The following JARID2 variants were observed in gnomAD, a reference collection of about 807,000 sequenced individuals.
JARID2 encodes protein Jumonji.
Under a neutral mutation model 125.6 loss-of-function variants are expected in JARID2, and 21 were observed. The ratio of observed to expected loss-of-function variants is 0.17; its 90% confidence interval spans 0.12 to 0.24. The LOEUF (loss-of-function observed/expected upper bound fraction) is 0.24. Ranked by LOEUF, JARID2 falls within the 10% of genes least tolerant of loss-of-function variation. The pLI is 1.00. For missense variants in JARID2, 1,303 were observed against 1,639.6 expected (o/e 0.79, Z 3.55); for synonymous variants, 736 against 661.6 (o/e 1.11, Z -1.73).
intron 1 of JARID2, among the ~76,000 whole-genome samples, chr6:15,334,221 C>T (rs1762807052): frequency 1.3e-5 from 2 of 152,092 alleles, no homozygotes; most frequent in African/African-American, 2.4e-5. Flanking sequence ...ATTAACAGAT[C>T]ATGTCTCCAA....
chr6:15,262,533 ATTTTTTTT>A (rs35864895), intron 1 of JARID2, among the ~76,000 whole-genome samples: 4 of 116,468 alleles, frequency 3.4e-5, no homozygotes, highest in Non-Finnish European at 1.8e-5. Flanking sequence ...TGGTTTGGCT[ATTTTTTTT>A]TTTTTTTTTT....
In JARID2 at chr6:15,501,405, A is replaced by G; in HGVS notation, c.2444A>G (p.Tyr815Cys). 6.5e-7 allele frequency: 1 copy of G among 1,538,486 alleles called. No homozygotes were observed. The highest frequency in any genetic ancestry group is 2.3e-5 in the East Asian group (1 of 44,178). ...GVLNDFHKCIYKGRSVSLTTF... is the reference protein window; with the variant it reads ...GVLNDFHKCICKGRSVSLTTF... Reference sequence around the variant, plus strand: ...CTCAATGACTTCCACAAGTGCATCTATAAGGTAGGGGCCTCCGCAGAGCAG... The same window carrying G: ...CTCAATGACTTCCACAAGTGCATCTGTAAGGTAGGGGCCTCCGCAGAGCAG... The change falls in exon 8 of 18, where the codon TAT (tyrosine) becomes TGT (cysteine). Residue 815 changes from tyrosine to cysteine, a missense_variant. Around this residue, in one of 11 missense-constraint regions of JARID2, gnomAD observed 29 missense variants for 47.7 expected, o/e 0.61. Coordinates refer to ENST00000341776, the MANE Select transcript of JARID2 (RefSeq NM_004973.4).
chr6:15,379,260 G>T (rs949740201), intron 2 of JARID2, among the ~76,000 whole-genome samples: 2 of 152,046 alleles, frequency 1.3e-5, no homozygotes, highest in Admixed American at 6.6e-5. Context: ...CATCGTTACA[G>T]CTTGTTGGTT....
chr6:15,314,645 G>T (rs1162185301), intron 1 of JARID2, among the ~76,000 whole-genome samples: 1 of 152,158 alleles, frequency 6.6e-6, no homozygotes, highest in East Asian at 1.9e-4. Context: ...ATACAGTTGA[G>T]GCCTCTTCAG....
intron 1 of JARID2, among the ~76,000 whole-genome samples, chr6:15,329,308 A>G (rs979752134): frequency 3.3e-5 from 5 of 151,958 alleles, no homozygotes; most frequent in East Asian, 1.9e-4. Context: ...TAATCCTGCA[A>G]TGAGTGAGTT....
At chr6:15,435,492 G>A (rs1767163651) in intron 3 of JARID2, among the ~76,000 whole-genome samples, 1 of 152,186 alleles carries the variant, frequency 6.6e-6, no homozygotes, top group African/African-American at 2.4e-5. Flanking sequence ...TCCTCCCAGT[G>A]CCAGTGCTAG....
At chr6:15,246,734 C>T in intron 1 of JARID2, 150 bp downstream of exon 1, 1 of 724,316 alleles carries the variant, frequency 1.4e-6, no homozygotes, top group East Asian at 2.7e-5. Context: ...GCTTTTCAAG[C>T]AAAGTGGTGT....
At chr6:15,464,615 G>A (rs763082894) in intron 4 of JARID2, among the ~76,000 whole-genome samples, 13 of 152,122 alleles carry the variant, frequency 8.5e-5, no homozygotes, top group Non-Finnish European at 1.3e-4. Context: ...CTTAACCTCT[G>A]AACTAAGGGT....
chr6:15,511,884 G>A (rs906984980), intron 13 of JARID2, among the ~76,000 whole-genome samples: 1 of 152,186 alleles, frequency 6.6e-6, no homozygotes, highest in Non-Finnish European at 1.5e-5. Context: ...CTGTGGGCCT[G>A]TGGCCTACTT....
chr6:15,504,449 G>A, intron 8 of JARID2, 51 bp from the exon 9 acceptor site: 1 of 1,405,458 alleles, frequency 7.1e-7, no homozygotes, highest in Non-Finnish European at 1.0e-6. Flanking sequence ...CTCATTTGCA[G>A]TAGGGTTCAG....
chr6:15,440,135 G>C (rs1053126231), intron 3 of JARID2, among the ~76,000 whole-genome samples: 1 of 152,220 alleles, frequency 6.6e-6, no homozygotes, highest in Non-Finnish European at 1.5e-5. Context: ...GTTCATTTAA[G>C]CCGTACGCAA....
chr6:15,395,505 T>C (rs1384456089), intron 2 of JARID2, among the ~76,000 whole-genome samples: 1 of 152,000 alleles, frequency 6.6e-6, no homozygotes, highest in Non-Finnish European at 1.5e-5. Context: ...GACCTTGTGA[T>C]CCACCTGCCT....
intron 1 of JARID2, among the ~76,000 whole-genome samples, chr6:15,281,700 C>A (rs990414038): frequency 2.6e-5 from 4 of 152,200 alleles, no homozygotes; most frequent in Non-Finnish European, 5.9e-5. Flanking sequence ...CTATTTCATG[C>A]TGCAAGTAGC....
At chr6:15,372,654 GTTC>G (rs897887817) in intron 1 of JARID2, among the ~76,000 whole-genome samples, 13 of 151,214 alleles carry the variant, frequency 8.6e-5, no homozygotes, top group African/African-American at 1.9e-4. Flanking sequence ...GCGCCAAGCC[GTTC>G]TTCTTATTCT....
intron 5 of JARID2, among the ~76,000 whole-genome samples, chr6:15,473,680 G>A (rs1203621536): frequency 1.3e-5 from 2 of 152,064 alleles, no homozygotes; most frequent in Non-Finnish European, 2.9e-5. Context: ...AGGCATCCGA[G>A]TACCAAGTCT....
intron 1 of JARID2, among the ~76,000 whole-genome samples, chr6:15,337,722 T>G (rs1368786617): frequency 6.6e-6 from 1 of 152,092 alleles, no homozygotes; most frequent in African/African-American, 2.4e-5. Context: ...TTTTTTTCCT[T>G]TTCTGAGTGA....
chr6:15,498,173 T>C (rs916303999), intron 7 of JARID2, among the ~76,000 whole-genome samples: 4 of 152,166 alleles, frequency 2.6e-5, no homozygotes, highest in East Asian at 1.9e-4. Flanking sequence ...CCTTGTCTCT[T>C]CTTCCTCTGA....
At chr6:15,495,440 T>C (rs1770368668) in intron 6 of JARID2, among the ~76,000 whole-genome samples, 1 of 152,190 alleles carries the variant, frequency 6.6e-6, no homozygotes, top group African/African-American at 2.4e-5. Flanking sequence ...GGGGCATCCC[T>C]CTTCCATCCA....
intron 3 of JARID2, among the ~76,000 whole-genome samples, chr6:15,437,841 T>TG (rs1466048935): frequency 1.3e-5 from 2 of 150,908 alleles, no homozygotes; most frequent in African/African-American, 2.4e-5. Flanking sequence ...TAATGGGATG[T>TG]GGGGGGCAAA....
Sources: allele counts gnomAD v4.1 joint callset (sites outside exome capture counted in the v4.1 genomes callset), GRCh38; gene constraint gnomAD v4.1.1; regional missense constraint gnomAD v4.1.1; transcripts MANE v1.5; gene names NCBI Gene and HGNC (gene_info 2026-07-23, HGNC 2026-07-21).